The following PRKCA variants were observed in gnomAD, a reference collection of about 807,000 sequenced individuals.
PRKCA encodes protein kinase C alpha, also known as protein kinase C alpha type.
A neutral mutation model predicts 87.0 loss-of-function variants in PRKCA; 27 were observed. That is an observed-to-expected ratio of 0.31 (90% confidence interval 0.23 to 0.43). The LOEUF (loss-of-function observed/expected upper bound fraction) is 0.43. PRKCA is among the 20% of genes least tolerant of loss of function. The pLI, the probability that PRKCA is intolerant of heterozygous loss-of-function variation, is 1.00. For missense variants in PRKCA, 518 were observed against 852.3 expected (o/e 0.61, Z 4.88); for synonymous variants, 329 against 311.1 (o/e 1.06, Z -0.61).
At chr17:66,582,626 C>CTT (rs10643571) in intron 3 of PRKCA, among the ~76,000 whole-genome samples, 82,910 of 151,880 alleles carry the variant, frequency 0.55, 23,522 homozygotes, top group African/African-American at 0.68. Context: ...CATTAAACCT[C>CTT]TTTCCTTTAT....
intron 13 of PRKCA, among the ~76,000 whole-genome samples, chr17:66,757,971 C>T (rs1044316851): frequency 1.3e-5 from 2 of 152,170 alleles, no homozygotes; most frequent in East Asian, 1.9e-4. Context: ...GTGATCCACC[C>T]GCATCAGCCT....
chr17:66,808,296 G>A lies in PRKCA; in HGVS notation c.*4259G>A, dbSNP rs1031306459. ...GGTTCCACTTAGCAGGAGACATTTC[G>A]GAGGGTTTTTTTTGTTTTTGTTCCT... On this transcript the variant is annotated 3_prime_UTR_variant, in exon 17 of 17. Transcript: ENST00000413366. 1.4e-4 allele frequency: 20 copies of A among 144,958 alleles called. No homozygotes were observed. The highest frequency in any genetic ancestry group is 4.9e-4 in the African/African-American group (19 of 38,466). The allele number at this position is 144,958 out of a possible 1,614,324, so 9.0% of individuals were successfully genotyped here.
chr17:66,395,855 C>T (rs1022704914), intron 2 of PRKCA, among the ~76,000 whole-genome samples: 4 of 152,018 alleles, frequency 2.6e-5, no homozygotes, highest in African/African-American at 7.2e-5. Context: ...TTTGGGGTTT[C>T]CAGGGCCTAC....
chr17:66,803,807 C>T lies in PRKCA; in HGVS notation c.1855-66C>T. On this transcript the variant is annotated intron_variant, in intron 16 of 16. Coordinates refer to ENST00000413366, the MANE Select transcript of PRKCA (RefSeq NM_002737.3). This position sits in a 1 kb window ranked among gnomAD's most constrained non-coding sequence, Gnocchi z 4.4. Reference sequence around the variant, plus strand: ...GCCGTGCCCCTCCCCAGAGAGGGCCCTCGGAGAGCTGCTCCCGCATTGTCA... The same window carrying T: ...GCCGTGCCCCTCCCCAGAGAGGGCCTTCGGAGAGCTGCTCCCGCATTGTCA... 4 of 1,578,140 alleles carry T rather than the reference C, an allele frequency of 2.5e-6. No individual in the cohort carries two copies. Among genetic ancestry groups the T allele is most frequent in the South Asian group, 2.3e-5 (2 of 85,960 alleles).
chr17:66,522,853 A>G (rs1187765475), intron 3 of PRKCA, among the ~76,000 whole-genome samples: 1 of 151,082 alleles, frequency 6.6e-6, no homozygotes, highest in African/African-American at 2.4e-5. Flanking sequence ...GGAAGAGGGC[A>G]TTATTCATAA....
chr17:66,673,596 AT>A (rs1972249902), intron 5 of PRKCA, among the ~76,000 whole-genome samples: 1 of 152,242 alleles, frequency 6.6e-6, no homozygotes. Flanking sequence ...CACATCAGAA[AT>A]TCTGCAACAT....
intron 2 of PRKCA, among the ~76,000 whole-genome samples, chr17:66,460,292 C>G (rs1294541482): frequency 6.6e-6 from 1 of 151,484 alleles, no homozygotes; most frequent in Admixed American, 6.6e-5. Flanking sequence ...GTGGTTCTTA[C>G]TATTACTATA....
rs1888698085 is a variant in PRKCA at position 66,379,862 on chromosome 17, G to A, written c.205+73735G>A. On this transcript the variant is annotated intron_variant, in intron 2 of 16. Transcript: ENST00000413366. ...AGTGTTAGCAACTACACTTAGGTCT[G>A]TGATCTTTTCGAGTTAATTTTTGAG... Among the ~76,000 whole-genome samples, 3 of 151,984 alleles carry A rather than the reference G, an allele frequency of 2.0e-5. No individual in the cohort carries two copies. In the South Asian group the frequency reaches 6.2e-4, roughly 31 times the overall value.
intron 16 of PRKCA, among the ~76,000 whole-genome samples, chr17:66,801,950 G>A (rs73333222): frequency 0.2 from 30,304 of 152,148 alleles, 3,557 homozygotes; most frequent in African/African-American, 0.32. Flanking sequence ...GCTGGACGCG[G>A]TGGCTCACAC....
chr17:66,445,067 A>G (rs577679859), intron 2 of PRKCA, among the ~76,000 whole-genome samples: 2 of 152,098 alleles, frequency 1.3e-5, no homozygotes, highest in Middle Eastern at 3.4e-3. Flanking sequence ...TGTCATCCAG[A>G]TGTCGCCTTT....
intron 2 of PRKCA, among the ~76,000 whole-genome samples, chr17:66,418,838 G>A (rs1316616207): frequency 1.3e-5 from 2 of 151,934 alleles, no homozygotes; most frequent in African/African-American, 4.8e-5. Context: ...TGCAAGCTCC[G>A]CCTTCTGTGT....
chr17:66,788,986 C>A lies in PRKCA; in HGVS notation c.1854+7C>A, dbSNP rs764222902. Reference sequence around the variant, plus strand: ...ACCATTCAAGCCCAAAGTGGTGAGTCCAGAAAAGCAGCCTGTTTTCGGAAC... The same window carrying A: ...ACCATTCAAGCCCAAAGTGGTGAGTACAGAAAAGCAGCCTGTTTTCGGAAC... On this transcript the variant is annotated splice_region_variant and intron_variant, in intron 16 of 16. Coordinates refer to ENST00000413366, the MANE Select transcript of PRKCA (RefSeq NM_002737.3). The A allele has an allele frequency of 1.2e-6, 2 of 1,613,938 alleles. No individual in the cohort carries two copies. Among genetic ancestry groups the A allele is most frequent in the East Asian group, 4.5e-5 (2 of 44,872 alleles).
intron 2 of PRKCA, among the ~76,000 whole-genome samples, chr17:66,368,332 GTA>G (rs1412325447): frequency 3.9e-4 from 20 of 51,752 alleles, no homozygotes; most frequent in African/African-American, 8.4e-4. Context: ...ATATGTGTGT[GTA>G]TATATGTGTG....
chr17:66,797,228 G>A (rs4636942), intron 16 of PRKCA, among the ~76,000 whole-genome samples: 15,466 of 152,206 alleles, frequency 0.1, 1,294 homozygotes, highest in East Asian at 0.26. Flanking sequence ...AAGGGGCTGT[G>A]AGCAATGTGT....
chr17:66,409,071 G>C (rs1286929321), intron 2 of PRKCA, among the ~76,000 whole-genome samples: 1 of 141,380 alleles, frequency 7.1e-6, no homozygotes, highest in Non-Finnish European at 1.5e-5. Context: ...AGAATAAATA[G>C]TGGTTGTCAG....
chr17:66,765,929 A>C (rs1974803331), intron 13 of PRKCA, among the ~76,000 whole-genome samples: 1 of 152,212 alleles, frequency 6.6e-6, no homozygotes, highest in South Asian at 2.1e-4. Flanking sequence ...TATACCTGTA[A>C]CTGAGATCTT....
intron 2 of PRKCA, among the ~76,000 whole-genome samples, chr17:66,461,869 TCGAGGAGGAGACTGGGGTTCCTAACTAC>T (rs555316683): frequency 0.06 from 8,179 of 135,472 alleles, 299 homozygotes; most frequent in Admixed American, 0.11. Context: ...TTCCTAACTA[TCGAGGAGGAGACTGGGGTTCCTAACTAC>T]CGAGGAGGAG....
chr17:66,711,397 C>T (rs1337819297), intron 8 of PRKCA, among the ~76,000 whole-genome samples: 1 of 152,180 alleles, frequency 6.6e-6, no homozygotes, highest in African/African-American at 2.4e-5. Flanking sequence ...TAATCCTTCT[C>T]ACTCTTATTT....
At chr17:66,646,704 A>C in intron 5 of PRKCA, among the ~76,000 whole-genome samples, 1 of 152,210 alleles carries the variant, frequency 6.6e-6, no homozygotes, top group East Asian at 1.9e-4. Flanking sequence ...TTACCTTTGG[A>C]AACATCCTCA....
Sources: allele counts gnomAD v4.1 joint callset (sites outside exome capture counted in the v4.1 genomes callset), GRCh38; gene constraint gnomAD v4.1.1; non-coding constraint Gnocchi (gnomAD v3.1); transcripts MANE v1.5; gene names NCBI Gene and HGNC (gene_info 2026-07-23, HGNC 2026-07-21).